Variants in PROM2 observed in about 807,000 individuals in gnomAD.
PROM2 encodes the protein prominin 2, also known as prominin-2.
PROM2 carries 90 observed loss-of-function variants against 110.2 expected under a neutral mutation model. The observed-to-expected ratio is 0.82, with a 90% CI of 0.69 to 0.97. The LOEUF is 0.97. PROM2 is among the 50% of genes least tolerant of loss of function. The pLI, the probability that PROM2 is intolerant of heterozygous loss-of-function variation, is 0.00. For synonymous variants in PROM2, 470 were observed against 467.8 expected (o/e 1.00, Z -0.06); for missense variants, 1,009 against 1,074.8 (o/e 0.94, Z 0.86).
In PROM2 at chr2:95,279,053, G is replaced by A; in HGVS notation, c.1183G>A (p.Glu395Lys). The stretch of plus-strand genomic sequence containing the variant: ...ACTGGCTGAAGGGTTCCCGGGCTTG[G>A]AGGCAGCTTCCCGCTGGGCCCAGGC... ...RTLAEGFPGL[E>K]AASRWAQALQ... The change falls in exon 10 of 24, where the codon GAG becomes AAG. Residue 395 changes from glutamate to lysine, a missense_variant. By Grantham distance (56) the Glu-to-Lys change is moderately conservative (BLOSUM62 1). Coordinates refer to ENST00000317620, the MANE Select transcript of PROM2 (RefSeq NM_001165978.3). The A allele has an allele frequency of 1.2e-6, 2 of 1,613,070 alleles. No individual in the cohort carries two copies. Among genetic ancestry groups the A allele is most frequent in the South Asian group, 1.1e-5 (1 of 90,968 alleles).
At chr2:95,286,449 G>C (rs760189599) in intron 16 of PROM2, 30 bp from the exon 17 acceptor site, 3 of 1,598,824 alleles carry the variant, frequency 1.9e-6, no homozygotes, top group Non-Finnish European at 2.6e-6. Context: ...GGTCCTGGGC[G>C]GGGCCGTTCT....
intron 15 of PROM2, 145 bp from the exon 16 acceptor site, chr2:95,285,494 A>G (rs1480420035): frequency 1.5e-6 from 1 of 654,870 alleles, no homozygotes; most frequent in African/African-American, 1.8e-5. Context: ...TCCAGGGAAA[A>G]CTCACTGTGA....
At position 95,280,651 on chromosome 2, in the gene PROM2, T is replaced by TTTG. The variant is rs1315030638; in HGVS notation, c.1428-580_1428-578dup. ...TGGGTTTTGTTTGTTTTTTGTTTTG[T>TTTG]TTGTTGTTGTTGTGACAGGGTCTTG... On this transcript the variant is annotated intron_variant, in intron 11 of 23. Transcript: ENST00000317620. 1.1e-4 allele frequency among the ~76,000 whole-genome samples: 16 copies of TTTG among 152,126 alleles called. No individual in the cohort carries two copies. In the South Asian group the frequency reaches 3.3e-3, roughly 32 times the overall value.
At chr2:95,288,884 G>T (rs1677539611) in intron 22 of PROM2, 49 bp from the exon 23 acceptor site, 1 of 1,571,162 alleles carries the variant, frequency 6.4e-7, no homozygotes, top group Admixed American at 1.7e-5. Flanking sequence ...TGTCAGGGCT[G>T]AGGGTCTGGG....
In PROM2 at chr2:95,275,724, G is replaced by A. The variant is rs1314919203; in HGVS notation, c.295-206G>A. 2.8e-6 allele frequency: 4 copies of A among 1,446,136 alleles called. No individual in the cohort carries two copies. Among genetic ancestry groups the A allele is most frequent in the Non-Finnish European group, 3.6e-6 (4 of 1,100,552 alleles). 89.6% of individuals were successfully genotyped at this position (1,446,136 alleles called of 1,614,324 possible). A position where few individuals can be genotyped will look rare whatever the true frequency, so the allele number is the denominator to read the frequency against. On this transcript the variant is annotated intron_variant, in intron 2 of 23. Transcript: ENST00000317620. This position sits in a 1 kb window ranked among gnomAD's most constrained non-coding sequence, Gnocchi z 4.4. ...TTACTGGCAGTGAGGTTTGCAGGGA[G>A]CTGGAACTTCCTGAACTTCAGCTTC... is the stretch of plus-strand genomic sequence containing the variant.
At chr2:95,285,584 G>A in intron 15 of PROM2, 55 bp from the exon 16 acceptor site, 2 of 1,467,594 alleles carry the variant, frequency 1.4e-6, no homozygotes, top group Non-Finnish European at 1.9e-6. Context: ...TCAGGTGGTG[G>A]TGGGCCCCAG....
At chr2:95,288,879 G>A in intron 22 of PROM2, 54 bp from the exon 23 acceptor site, 1 of 1,556,016 alleles carries the variant, frequency 6.4e-7, no homozygotes, top group African/African-American at 1.4e-5. Context: ...CCCTGTGTCA[G>A]GGCTGAGGGT....
At chr2:95,281,893 T>G (rs1422378869) in intron 12 of PROM2, 32 bp from the exon 13 acceptor site, 3 of 1,553,092 alleles carry the variant, frequency 1.9e-6, no homozygotes, top group Non-Finnish European at 1.8e-6. Flanking sequence ...CCCACCCCGC[T>G]CTGTGCCCAT....
In PROM2 at chr2:95,289,206, C is replaced by T; in HGVS notation, c.*11-18C>T. The T allele has an allele frequency of 5.1e-6, 3 of 592,632 alleles. No individual in the cohort carries two copies. The South Asian group carries it at 5.9e-5, about 12-fold the overall frequency. 36.7% of individuals were successfully genotyped at this position (592,632 alleles called of 1,614,324 possible). A position where few individuals can be genotyped will look rare whatever the true frequency, so the allele number is the denominator to read the frequency against. ...CCCCTCCCTCCCCTTCACCCGTTTC[C>T]TTCTTAATCCCTGACAGGGTGAGGT... On this transcript the variant is annotated intron_variant, in intron 23 of 23. Transcript: ENST00000317620.
Position 95,281,244 on chromosome 2 carries a change from G to T in PROM2, c.1430G>T (p.Gly477Val). ...GEAGARFLMA[G>V]VGLSFLFAAP... Reference sequence around the variant, plus strand: ...GTCCTGCCTCTCGCCTACCCCAGAGGTGTGGGCCTCAGCTTCCTCTTTGCT... The same window carrying T: ...GTCCTGCCTCTCGCCTACCCCAGAGTTGTGGGCCTCAGCTTCCTCTTTGCT... The change falls in exon 12 of 24, where the codon GGT becomes GTT. Residue 477 changes from glycine to valine, a missense_variant and splice_region_variant. Physicochemically the swap from Gly to Val is moderately radical, Grantham distance 109 (BLOSUM62 -3). Transcript: ENST00000317620. The T allele has an allele frequency of 3.1e-6, 5 of 1,612,534 alleles. No homozygotes were observed. Among genetic ancestry groups the T allele is most frequent in the Non-Finnish European group, 4.2e-6 (5 of 1,179,942 alleles).
At chr2:95,277,260 T>C in intron 6 of PROM2, 104 bp from the exon 7 acceptor site, 1 of 1,323,086 alleles carries the variant, frequency 7.6e-7, no homozygotes, top group East Asian at 2.4e-5. Context: ...AGGAGGTCAA[T>C]GATTTGCAGG....
chr2:95,290,317 G>A lies in PROM2; in HGVS notation c.*1104G>A, dbSNP rs1247888829. 6.6e-6 allele frequency: 1 copy of A among 152,266 alleles called. No individual in the cohort carries two copies. Among genetic ancestry groups the A allele is most frequent in the African/African-American group, 2.4e-5 (1 of 41,460 alleles). 9.4% of individuals were successfully genotyped at this position (152,266 alleles called of 1,614,324 possible). On this transcript the variant is annotated 3_prime_UTR_variant, in exon 24 of 24. Coordinates refer to ENST00000317620, the MANE Select transcript of PROM2 (RefSeq NM_001165978.3). ...TCCATTAAAGTGTTCTCACTTCCCT[G>A]AGACTTGGTTCTGGGTCCTTAAAAC... is the stretch of plus-strand genomic sequence containing the variant.
chr2:95,278,397 G>C (rs572186514), intron 8 of PROM2: 50 of 539,130 alleles, frequency 9.3e-5, no homozygotes, highest in African/African-American at 8.3e-4. Context: ...CCAGAAGGAA[G>C]GAAGTCAGAG....
At chr2:95,285,245 C>T in intron 15 of PROM2, 130 bp downstream of exon 15, 1 of 1,108,030 alleles carries the variant, frequency 9.0e-7, no homozygotes, top group Non-Finnish European at 1.3e-6. Flanking sequence ...GGGCCTCTTC[C>T]TGTGGAGGTG....
rs1321769949 is a variant in PROM2, at chr2:95,276,936, G to A, written c.683-36G>A. The A allele has an allele frequency of 6.5e-7, 1 of 1,541,872 alleles. No individual in the cohort carries two copies. The highest frequency in any genetic ancestry group is 2.4e-5 in the East Asian group (1 of 40,850). ...GAATGGGGAGGGCCCCTCCACTCTT[G>A]GGGTCCCACCCTGCAGACTGCCCTG... On this transcript the variant is annotated intron_variant, in intron 5 of 23. Transcript: ENST00000317620. This position sits in a 1 kb window ranked among gnomAD's most constrained non-coding sequence, Gnocchi z 4.6.
intron 11 of PROM2, among the ~76,000 whole-genome samples, chr2:95,280,623 C>T (rs13030506): frequency 0.013 from 2,050 of 152,216 alleles, 26 homozygotes; most frequent in Admixed American, 0.02. Flanking sequence ...AGTCTTGGCT[C>T]TTTGGGTTTT....
Position 95,278,796 on chromosome 2 carries a change from C to T in PROM2, c.1114+12C>T, listed in dbSNP as rs374529913. The stretch of plus-strand genomic sequence containing the variant: ...CAGCGTGGTGCAAGGTTAGGCCACA[C>T]GGGTCAGAGGCAGCTGCCAGGCATG... On this transcript the variant is annotated intron_variant, in intron 9 of 23. Transcript: ENST00000317620. 55 of 1,613,978 alleles carry T rather than the reference C, an allele frequency of 3.4e-5. No individual in the cohort carries two copies. Among genetic ancestry groups the T allele is most frequent in the African/African-American group, 2.0e-4 (15 of 75,062 alleles).
chr2:95,277,395 C>T lies in PROM2; in HGVS notation c.804C>T (p.Thr268=), dbSNP rs550229914. ...VLQVSVHHLQ[T]LNATVVELQA... Reference sequence around the variant, plus strand: ...AGGTCTCCGTGCACCACCTGCAAACCTTGAATGCTACAGTGGTAGAGCTGC... The same window carrying T: ...AGGTCTCCGTGCACCACCTGCAAACTTTGAATGCTACAGTGGTAGAGCTGC... The change falls in exon 7 of 24, where the codon ACC becomes ACT. Residue 268 remains threonine, a synonymous_variant. Coordinates refer to ENST00000317620, the MANE Select transcript of PROM2 (RefSeq NM_001165978.3). 6.8e-6 allele frequency: 11 copies of T among 1,612,842 alleles called. No homozygotes were observed. In the South Asian group the frequency reaches 8.8e-5, roughly 13 times the overall value.
chr2:95,286,128 A>T (rs1677343584), intron 16 of PROM2, among the ~76,000 whole-genome samples: 1 of 152,180 alleles, frequency 6.6e-6, no homozygotes, highest in Admixed American at 6.5e-5. Context: ...GAAAAATAGC[A>T]TTTTGTATTT....
Sources: allele counts gnomAD v4.1 joint callset (sites outside exome capture counted in the v4.1 genomes callset), GRCh38; gene constraint gnomAD v4.1.1; non-coding constraint Gnocchi (gnomAD v3.1); transcripts MANE v1.5; gene names NCBI Gene and HGNC (gene_info 2026-07-23, HGNC 2026-07-21).